The following GGPS1 variants were observed in gnomAD, a reference collection of about 807,000 sequenced individuals.
The protein encoded by GGPS1 is geranylgeranyl diphosphate synthase 1.
A neutral mutation model predicts 28.1 loss-of-function variants in GGPS1; 15 were observed. That is an observed-to-expected ratio of 0.53 (90% CI 0.36 to 0.82). The LOEUF (loss-of-function observed/expected upper bound fraction) is 0.82. GGPS1 is among the 40% of genes least tolerant of loss of function. GGPS1 has a pLI of 0.01. For synonymous variants in GGPS1, 138 were observed against 122.4 expected, an observed-to-expected ratio of 1.13 and a Z score of -0.84; for missense variants, 284 against 348.3, an observed-to-expected ratio of 0.82 and a Z score of 1.47.
In GGPS1 at chr1:235,336,167, C is replaced by T. The variant is rs537363249; in HGVS notation, c.70+833C>T. 1.1e-3 allele frequency among the ~76,000 whole-genome samples: 169 copies of T among 152,152 alleles called. 1 individual carries two copies. The highest frequency in any genetic ancestry group is 2.1e-3 in the Non-Finnish European group (140 of 67,996). ...CAGCACTTTTTGAGGCCAAGGCGGG[C>T]GGATCATGAGGTCAAGAGGTTGAGA... On this transcript the variant is annotated intron_variant, in intron 2 of 3. Transcript: ENST00000282841.
At position 235,342,938 on chromosome 1, in the gene GGPS1, G is replaced by A. The variant is rs1292793005; in HGVS notation, c.*166G>A. 1 of 470,126 alleles carries A rather than the reference G, an allele frequency of 2.1e-6. No individual in the cohort carries two copies. Among genetic ancestry groups the A allele is most frequent in the East Asian group, 3.3e-5 (1 of 30,054 alleles). 29.1% of individuals were successfully genotyped at this position (470,126 alleles called of 1,614,324 possible). ...TTTCATTTAGAAGCCCCTCTGTACA[G>A]ATAATCAAAATTCAAAGTTGAAAGA... On this transcript the variant is annotated 3_prime_UTR_variant, in exon 4 of 4. Coordinates refer to ENST00000282841, the MANE Select transcript of GGPS1 (RefSeq NM_004837.4).
At chr1:235,340,701 A>C (rs1676011965) in intron 2 of GGPS1, among the ~76,000 whole-genome samples, 1 of 129,006 alleles carries the variant, frequency 7.8e-6, no homozygotes, top group Non-Finnish European at 1.6e-5. Context: ...GCGCCACTGC[A>C]CTCCAGCCTG....
chr1:235,340,771 AAAG>A (rs1676019039), intron 2 of GGPS1, among the ~76,000 whole-genome samples: 1 of 151,156 alleles, frequency 6.6e-6, no homozygotes, highest in Non-Finnish European at 1.5e-5. Context: ...AGAAAGAAAA[AAAG>A]AAGATACTGA....
At chr1:235,331,343 C>T (rs948812557) in intron 1 of GGPS1, among the ~76,000 whole-genome samples, 5 of 152,102 alleles carry the variant, frequency 3.3e-5, no homozygotes, top group African/African-American at 1.2e-4. Context: ...CCTTTCAATC[C>T]TGAAGAGTAA....
At chr1:235,336,395 AAAAG>A (rs1675865371) in intron 2 of GGPS1, among the ~76,000 whole-genome samples, 2 of 152,358 alleles carry the variant, frequency 1.3e-5, no homozygotes, top group South Asian at 2.1e-4. Flanking sequence ...GACTCAAAAA[AAAAG>A]AAGAACTTGT....
rs974859883 is a variant in GGPS1 at position 235,339,694 on chromosome 1, A to C, written c.71-2014A>C. Among the ~76,000 whole-genome samples, 187 of 150,826 alleles carry C rather than the reference A, an allele frequency of 1.2e-3. 1 individual carries two copies. The highest frequency in any genetic ancestry group is 4.5e-3 in the African/African-American group (183 of 41,106). ...AGAATCGCTTGAACCCAGGGGGCGG[A>C]GGTTGCAGTGAGCCGAGATCACACC... On this transcript the variant is annotated intron_variant, in intron 2 of 3. Coordinates refer to ENST00000282841, the MANE Select transcript of GGPS1 (RefSeq NM_004837.4).
At chr1:235,331,630 C>CT (rs574821998) in intron 1 of GGPS1, among the ~76,000 whole-genome samples, 2,018 of 131,722 alleles carry the variant, frequency 0.015, 42 homozygotes, top group African/African-American at 0.044. Context: ...ATACACCGGG[C>CT]TTTTTTTTTT....
rs780868928 is a variant in GGPS1 at position 235,341,726 on chromosome 1, A to G, written c.89A>G (p.Lys30Arg). 1.1e-5 allele frequency: 18 copies of G among 1,596,474 alleles called. No homozygotes were observed. Among genetic ancestry groups the G allele is most frequent in the Admixed American group, 1.7e-5 (1 of 59,946 alleles). Residue 30 changes from lysine to arginine, a missense_variant, in exon 3 of 4, where the codon AAA (lysine) becomes AGA (arginine). Transcript: ENST00000282841. ...ATTGCAGGTAAACAAGTGAGAACCA[A>G]ACTTTCACAGGCATTTAATCATTGG... Reference protein sequence around the residue: ...LQLPGKQVRTKLSQAFNHWLK... With the variant: ...LQLPGKQVRTRLSQAFNHWLK...
intron 2 of GGPS1, 30 bp from the exon 3 acceptor site, chr1:235,341,678 A>G (rs139159098): frequency 5.3e-5 from 63 of 1,190,208 alleles, no homozygotes; most frequent in Middle Eastern, 1.9e-4. Context: ...AACACTTATC[A>G]CATTGTCACA....
chr1:235,335,327 G>A lies in GGPS1; in HGVS notation c.63G>A (p.Gln21=), dbSNP rs1280269286. 1.4e-6 allele frequency: 2 copies of A among 1,473,856 alleles called. No individual in the cohort carries two copies. The highest frequency in any genetic ancestry group is 1.7e-4 in the Middle Eastern group (1 of 5,814). 91.3% of individuals were successfully genotyped at this position (1,473,856 alleles called of 1,614,324 possible). Residue 21 remains glutamine (Q), a synonymous_variant, in exon 2 of 4, where the codon CAG becomes CAA. Coordinates refer to ENST00000282841, the MANE Select transcript of GGPS1 (RefSeq NM_004837.4). ...ILLEPYKYLL[Q]LPGKQVRTKL... ...TAGAACCCTATAAATACTTACTTCA[G>A]TTACCAGGTAATACTTCACTTACAG... is the stretch of plus-strand genomic sequence containing the variant.
At chr1:235,339,497 A>G (rs1404164634) in intron 2 of GGPS1, among the ~76,000 whole-genome samples, 1 of 151,608 alleles carries the variant, frequency 6.6e-6, no homozygotes, top group East Asian at 2.0e-4. Context: ...CAAACAAAAA[A>G]ACCCATAATC....
chr1:235,335,624 A>G (rs1011344558), intron 2 of GGPS1, among the ~76,000 whole-genome samples: 1 of 152,230 alleles, frequency 6.6e-6, no homozygotes. Flanking sequence ...ACACCTGTGA[A>G]TAGCCACTAC....
At chr1:235,331,909 A>G (rs1003242380) in intron 1 of GGPS1, among the ~76,000 whole-genome samples, 1 of 152,212 alleles carries the variant, frequency 6.6e-6, no homozygotes, top group South Asian at 2.1e-4. Context: ...TGTGGTTCAA[A>G]CCATTTTACC....
At chr1:235,339,932 G>A (rs2803849) in intron 2 of GGPS1, among the ~76,000 whole-genome samples, 74,061 of 151,684 alleles carry the variant, frequency 0.49, 18,510 homozygotes, top group South Asian at 0.6. Flanking sequence ...TCCTTTGTAT[G>A]TGACTACAAT....
upstream of GGPS1, chr1:235,328,213 CCT>C (rs1348133218): frequency 1.4e-5 from 2 of 147,382 alleles, no homozygotes; most frequent in Admixed American, 6.7e-5. Context: ...AGGTTCCCCC[CCT>C]TTCTCCCCTC....
upstream of GGPS1, chr1:235,327,240 G>A (rs568426731): frequency 2.1e-4 from 56 of 263,532 alleles, no homozygotes; most frequent in Non-Finnish European, 3.9e-4. Flanking sequence ...TTCTGTCAGA[G>A]AAGAAACTCA....
At chr1:235,328,477 T>A (rs570332214), upstream of GGPS1, 5 of 146,984 alleles carry the variant, frequency 3.4e-5, no homozygotes, top group African/African-American at 1.3e-4. Flanking sequence ...AGGCCCGCAA[T>A]GCCCTGCGCC....
chr1:235,340,672 C>G (rs1676010476), intron 2 of GGPS1, among the ~76,000 whole-genome samples: 1 of 127,490 alleles, frequency 7.8e-6, no homozygotes, highest in African/African-American at 3.0e-5. Flanking sequence ...GGAGGCGGAG[C>G]TTGCAGTGAG....
rs756984961 is a variant in GGPS1, at chr1:235,335,220, TTA to T, written c.-23-20_-23-19del. On this transcript the variant is annotated intron_variant, in intron 1 of 3. Coordinates refer to ENST00000282841, the MANE Select transcript of GGPS1 (RefSeq NM_004837.4). Reference sequence around the variant, plus strand: ...AAAGATGATTAGTTTCATGTGATCTTTATGTTTCTCCTTTTTGACAGATTAGC... The same window carrying T: ...AAAGATGATTAGTTTCATGTGATCTTTGTTTCTCCTTTTTGACAGATTAGC... 9.3e-6 allele frequency: 9 copies of T among 964,370 alleles called. No individual in the cohort carries two copies. The highest frequency in any genetic ancestry group is 4.0e-5 in the Admixed American group (2 of 49,916). The allele number at this position is 964,370 out of a possible 1,614,324, so 59.7% of individuals were successfully genotyped here.
Sources: gnomAD v4.1 joint callset for allele counts (sites outside exome capture counted in the v4.1 genomes callset) on GRCh38, gnomAD v4.1.1 for gene constraint, MANE v1.5 for transcripts, NCBI Gene and HGNC (gene_info 2026-07-23, HGNC 2026-07-21) for gene names.